GRID1: variants seen among roughly 807,000 people sequenced by gnomAD.
GRID1 encodes glutamate receptor ionotropic, delta-1.
A neutral mutation model predicts 98.0 loss-of-function variants in GRID1; 28 were observed. That is an observed-to-expected ratio of 0.29 (90% CI 0.21 to 0.39). The LOEUF (loss-of-function observed/expected upper bound fraction) is 0.39, where lower values mean the gene tolerates loss of function less well. Among genes scored for constraint, GRID1 ranks in the 10% least tolerant of loss-of-function variants. The pLI is 1.00. For synonymous variants in GRID1, 553 were observed against 538.5 expected (o/e 1.03, Z -0.37); for missense variants, 1,111 against 1,340.5 (o/e 0.83, Z 2.67).
chr10:85,710,645 A>G (rs1841571622), intron 12 of GRID1, among the ~76,000 whole-genome samples: 1 of 152,136 alleles, frequency 6.6e-6, no homozygotes, highest in South Asian at 2.1e-4. Context: ...TTCTGCATCA[A>G]AAGACACTAT....
At chr10:85,721,373 T>A (rs1197460808) in intron 12 of GRID1, among the ~76,000 whole-genome samples, 1 of 152,228 alleles carries the variant, frequency 6.6e-6, no homozygotes, top group Non-Finnish European at 1.5e-5. Flanking sequence ...AAAACTCATG[T>A]TCATGCAAAA....
At chr10:85,772,624 A>G (rs1387381426) in intron 8 of GRID1, among the ~76,000 whole-genome samples, 2 of 152,240 alleles carry the variant, frequency 1.3e-5, no homozygotes, top group Non-Finnish European at 2.9e-5. Context: ...GACGCAATAA[A>G]AAATGATAAA....
intron 8 of GRID1, among the ~76,000 whole-genome samples, chr10:85,769,278 T>C (rs1370580453): frequency 5.9e-5 from 9 of 152,218 alleles, no homozygotes. Context: ...AAATACTGCA[T>C]GTTCTCACTC....
intron 8 of GRID1, among the ~76,000 whole-genome samples, chr10:85,814,978 AACATAG>A (rs1238935498): frequency 6.6e-6 from 1 of 152,074 alleles, no homozygotes; most frequent in Non-Finnish European, 1.5e-5. Context: ...AGTTCATGTG[AACATAG>A]ATGCAAAATT....
chr10:85,863,048 G>A (rs1202350969), intron 6 of GRID1, among the ~76,000 whole-genome samples: 4 of 152,312 alleles, frequency 2.6e-5, no homozygotes, highest in Middle Eastern at 3.4e-3. Flanking sequence ...TCCCCATCGC[G>A]TACAACACCG....
At chr10:85,924,830 G>C (rs979332093) in intron 4 of GRID1, among the ~76,000 whole-genome samples, 1 of 152,160 alleles carries the variant, frequency 6.6e-6, no homozygotes, top group Non-Finnish European at 1.5e-5. Flanking sequence ...GTCTGAGCTC[G>C]ACAGCCAGTC....
chr10:86,273,758 T>C (rs1355144821), intron 2 of GRID1, among the ~76,000 whole-genome samples: 2 of 152,008 alleles, frequency 1.3e-5, no homozygotes, highest in African/African-American at 4.8e-5. Context: ...TTTGATGGGG[T>C]TGTTTGTTTT....
intron 13 of GRID1, among the ~76,000 whole-genome samples, chr10:85,640,036 T>G (rs1843096692): frequency 6.6e-6 from 1 of 152,176 alleles, no homozygotes; most frequent in Non-Finnish European, 1.5e-5. Flanking sequence ...TCCGCAAGTA[T>G]CACAGATGGT....
rs189034009 is a variant in GRID1, at chr10:85,624,002, T to C, written c.2194-3969A>G. ...TCCCTTGACCAAGTGTCACAACAGA[T>C]ATTTAGATCTGCTATTTTTTGCCAC... On this transcript the variant is annotated intron_variant, in intron 13 of 15. Transcript: ENST00000327946. Among the ~76,000 whole-genome samples the C allele has an allele frequency of 1.8e-3, 277 of 152,244 alleles. 1 individual carries two copies. The highest frequency in any genetic ancestry group is 7.2e-4 in the Non-Finnish European group (49 of 68,010).
intron 5 of GRID1, among the ~76,000 whole-genome samples, chr10:85,897,733 T>G (rs925187698): frequency 2.0e-5 from 3 of 152,224 alleles, no homozygotes; most frequent in Non-Finnish European, 4.4e-5. Flanking sequence ...TTTTTTGTGA[T>G]GAGAACATTT....
chr10:86,131,261 C>A (rs563775564), intron 4 of GRID1, among the ~76,000 whole-genome samples: 13 of 152,260 alleles, frequency 8.5e-5, no homozygotes, highest in African/African-American at 2.9e-4. Context: ...GGCTGACTCA[C>A]CTCAGGCTCA....
intron 2 of GRID1, among the ~76,000 whole-genome samples, chr10:86,242,304 T>G (rs1846650415): frequency 6.6e-6 from 1 of 151,778 alleles, no homozygotes; most frequent in Non-Finnish European, 1.5e-5. Context: ...GATCATGGAG[T>G]GTTTGGAGCA....
At chr10:85,891,981 A>G (rs1841207527) in intron 5 of GRID1, among the ~76,000 whole-genome samples, 1 of 152,008 alleles carries the variant, frequency 6.6e-6, no homozygotes, top group Admixed American at 6.6e-5. Flanking sequence ...TAAAATAGAT[A>G]TTATAAATAT....
chr10:85,790,280 A>C (rs567283557), intron 8 of GRID1, among the ~76,000 whole-genome samples: 1 of 152,332 alleles, frequency 6.6e-6, no homozygotes, highest in South Asian at 2.1e-4. Flanking sequence ...AACTCAATAA[A>C]TATAGACGGA....
intron 12 of GRID1, among the ~76,000 whole-genome samples, chr10:85,666,939 C>A (rs1024052322): frequency 6.6e-6 from 1 of 152,146 alleles, no homozygotes; most frequent in African/African-American, 2.4e-5. Context: ...CAGGCCTGAC[C>A]GAGTTGAGCC....
chr10:86,363,987 G>A lies in GRID1; in HGVS notation c.189C>T (p.Ser63=), dbSNP rs757847476. 1.9e-6 allele frequency: 3 copies of A among 1,613,870 alleles called. No individual in the cohort carries two copies. The African/African-American group carries it at 4.0e-5, about 22-fold the overall frequency. ...DILQSEKITY[S]IKVIEANNPF... is the part of the protein sequence containing the mutation. ...GGTTGTTGGCCTCGATGACCTTGAT[G>A]GAGTAGGTGATCTTCTCGCTCTGCA... Residue 63 remains serine (S), a synonymous_variant, in exon 2 of 16, where the codon TCC becomes TCT. Coordinates refer to ENST00000327946, the MANE Select transcript of GRID1 (RefSeq NM_017551.3).
At chr10:86,062,706 C>T (rs967822452) in intron 4 of GRID1, among the ~76,000 whole-genome samples, 6 of 152,250 alleles carry the variant, frequency 3.9e-5, no homozygotes, top group Non-Finnish European at 8.8e-5. Context: ...TCCCACCAGT[C>T]ATGTGCTCTC....
At chr10:85,645,704 T>C (rs1843178276) in intron 13 of GRID1, 2 of 152,230 alleles carry the variant, frequency 1.3e-5, no homozygotes, top group Admixed American at 1.3e-4. Flanking sequence ...CACCTAAATA[T>C]GTCAAGCTCC....
chr10:85,736,878 G>C (rs987587786), intron 8 of GRID1, among the ~76,000 whole-genome samples: 6 of 152,162 alleles, frequency 3.9e-5, no homozygotes, highest in African/African-American at 1.4e-4. Flanking sequence ...ACCTTGGAAG[G>C]AGAGTGTGAA....
Sources: gnomAD v4.1 joint callset for allele counts (sites outside exome capture counted in the v4.1 genomes callset) on GRCh38, gnomAD v4.1.1 for gene constraint, MANE v1.5 for transcripts, NCBI Gene and HGNC (gene_info 2026-07-23, HGNC 2026-07-21) for gene names.